The following CRTAC1 variants were observed in gnomAD, a reference collection of about 807,000 sequenced individuals.
CRTAC1 encodes the protein cartilage acidic protein 1.
CRTAC1 carries 37 observed loss-of-function variants against 67.8 expected under a neutral mutation model. The ratio of observed to expected loss-of-function variants is 0.55; its 90% CI spans 0.42 to 0.72. CRTAC1 has a LOEUF of 0.72. CRTAC1 is among the 30% of genes least tolerant of loss of function. CRTAC1 has a pLI of 0.00. For missense variants in CRTAC1, 780 were observed against 931.6 expected, an observed-to-expected ratio of 0.84 and a Z score of 2.12; for synonymous variants, 348 against 371.0, an observed-to-expected ratio of 0.94 and a Z score of 0.71.
At chr10:97,906,378 G>A (rs950868382) in intron 6 of CRTAC1, among the ~76,000 whole-genome samples, 3 of 152,246 alleles carry the variant, frequency 2.0e-5, no homozygotes, top group Non-Finnish European at 4.4e-5. Context: ...GGGAATAATC[G>A]GTGCCAGGCT....
chr10:97,959,365 C>T (rs953634107), intron 2 of CRTAC1, among the ~76,000 whole-genome samples: 1 of 152,224 alleles, frequency 6.6e-6, no homozygotes, highest in East Asian at 1.9e-4. Flanking sequence ...AACTTAAGCA[C>T]AACTTAGAAT....
intron 2 of CRTAC1, among the ~76,000 whole-genome samples, chr10:98,008,740 G>A (rs1316138397): frequency 6.6e-6 from 1 of 152,070 alleles, no homozygotes; most frequent in Non-Finnish European, 1.5e-5. Context: ...GAGGGAATAC[G>A]AGAGTATACC....
At chr10:97,994,291 A>G (rs578125096) in intron 2 of CRTAC1, among the ~76,000 whole-genome samples, 3 of 152,336 alleles carry the variant, frequency 2.0e-5, no homozygotes, top group Admixed American at 6.5e-5. Flanking sequence ...AACTGTTTTT[A>G]TATATTCTTA....
chr10:97,972,408 C>T (rs972204861), intron 2 of CRTAC1, among the ~76,000 whole-genome samples: 2 of 152,184 alleles, frequency 1.3e-5, no homozygotes, highest in African/African-American at 4.8e-5. Context: ...TACAGGAAAG[C>T]AGGGAGCCCG....
intron 2 of CRTAC1, among the ~76,000 whole-genome samples, chr10:97,981,364 T>G (rs2051888295): frequency 6.6e-6 from 1 of 152,232 alleles, no homozygotes; most frequent in Non-Finnish European, 1.5e-5. Flanking sequence ...TATTTAAATG[T>G]TTTGCAAAGT....
At chr10:97,917,223 T>A (rs1200085087) in intron 5 of CRTAC1, among the ~76,000 whole-genome samples, 1 of 152,228 alleles carries the variant, frequency 6.6e-6, no homozygotes, top group East Asian at 1.9e-4. Context: ...GAGAAAATGA[T>A]GTGGTGTTCT....
chr10:97,924,855 T>C (rs567294145), intron 3 of CRTAC1, among the ~76,000 whole-genome samples: 10 of 151,702 alleles, frequency 6.6e-5, no homozygotes, highest in South Asian at 2.1e-4. Flanking sequence ...TGTGTGAGGG[T>C]GGGAAGTATG....
chr10:97,878,227 C>A (rs915647061), intron 14 of CRTAC1, among the ~76,000 whole-genome samples: 2 of 152,188 alleles, frequency 1.3e-5, no homozygotes, highest in African/African-American at 4.8e-5. Context: ...ATCTCTGGAG[C>A]CCTTTCAGAT....
chr10:97,931,490 T>C (rs2051003284), intron 3 of CRTAC1, among the ~76,000 whole-genome samples: 2 of 152,208 alleles, frequency 1.3e-5, no homozygotes, highest in South Asian at 2.1e-4. Context: ...TGGAGTACTA[T>C]ACAACCATAA....
chr10:97,954,691 C>T (rs973074849), intron 2 of CRTAC1, among the ~76,000 whole-genome samples: 8 of 152,164 alleles, frequency 5.3e-5, no homozygotes, highest in Non-Finnish European at 1.0e-4. Flanking sequence ...CTAGGGCTGC[C>T]GTAACAAAGT....
chr10:97,981,430 C>T (rs487602), intron 2 of CRTAC1, among the ~76,000 whole-genome samples: 12,848 of 152,170 alleles, frequency 0.084, 710 homozygotes, highest in South Asian at 0.16. Flanking sequence ...GTTATGATAT[C>T]ATAAATATTT....
intron 2 of CRTAC1, among the ~76,000 whole-genome samples, chr10:97,948,670 G>A (rs1206502101): frequency 6.6e-6 from 1 of 152,200 alleles, no homozygotes; most frequent in Non-Finnish European, 1.5e-5. Flanking sequence ...TGGGCAAGAA[G>A]ATAGAATGAG....
chr10:97,920,282 G>C (rs1360156735), intron 4 of CRTAC1, among the ~76,000 whole-genome samples: 1 of 152,218 alleles, frequency 6.6e-6, no homozygotes, highest in Non-Finnish European at 1.5e-5. Flanking sequence ...GTTATACCTA[G>C]TTCCTTACTT....
At chr10:97,906,232 C>A (rs943030928) in intron 6 of CRTAC1, among the ~76,000 whole-genome samples, 2 of 152,136 alleles carry the variant, frequency 1.3e-5, no homozygotes, top group South Asian at 4.1e-4. Flanking sequence ...GGACTAGGGG[C>A]AGCCTCCAAT....
In CRTAC1 at chr10:97,965,400, G is replaced by A. The variant is rs1265601372; in HGVS notation, c.225-29034C>T. On this transcript the variant is annotated intron_variant, in intron 2 of 14. Coordinates refer to ENST00000370597, the MANE Select transcript of CRTAC1 (RefSeq NM_018058.7). The stretch of plus-strand genomic sequence containing the variant: ...AGTTAAGTAACTTGTCCAGGGGACT[G>A]TAAACATCATTGGATTGAACCCCCT... Among the ~76,000 whole-genome samples, 3 of 152,174 alleles carry A rather than the reference G, an allele frequency of 2.0e-5. 1 individual carries two copies. The highest frequency in any genetic ancestry group is 3.9e-4 in the East Asian group (2 of 5,184).
In CRTAC1 at chr10:97,865,887, C is replaced by A. The variant is rs2050017135; in HGVS notation, c.1820-173G>T. On this transcript the variant is annotated intron_variant, in intron 14 of 14. Coordinates refer to ENST00000370597, the MANE Select transcript of CRTAC1 (RefSeq NM_018058.7). Reference sequence around the variant, plus strand: ...ATCAACCTATGCCCCCTGTCCCTCACCCCCGTCTGGATCAGTCCATTTCCT... The same window carrying A: ...ATCAACCTATGCCCCCTGTCCCTCAACCCCGTCTGGATCAGTCCATTTCCT... 5.1e-6 allele frequency: 5 copies of A among 982,888 alleles called. 1 individual carries two copies. Among genetic ancestry groups the A allele is most frequent in the Admixed American group, 3.0e-5 (1 of 33,816 alleles). 60.9% of individuals were successfully genotyped at this position (982,888 alleles called of 1,614,324 possible).
At chr10:97,913,712 G>A (rs912156367) in intron 5 of CRTAC1, among the ~76,000 whole-genome samples, 4 of 152,252 alleles carry the variant, frequency 2.6e-5, no homozygotes, top group East Asian at 1.9e-4. Context: ...TGGGGGTCCC[G>A]GGCCCTGGCT....
chr10:97,949,607 C>T (rs1215205650), intron 2 of CRTAC1, among the ~76,000 whole-genome samples: 1 of 152,196 alleles, frequency 6.6e-6, no homozygotes, highest in Admixed American at 6.5e-5. Context: ...GTGGGGGTAG[C>T]ACAGAGTGGC....
At chr10:97,879,398 A>C (rs148945029) in intron 14 of CRTAC1, among the ~76,000 whole-genome samples, 1 of 152,172 alleles carries the variant, frequency 6.6e-6, no homozygotes, top group Admixed American at 6.5e-5. Flanking sequence ...AGGATACAAG[A>C]CTATCTTGAT....
Sources: allele counts gnomAD v4.1 joint callset (sites outside exome capture counted in the v4.1 genomes callset), GRCh38; gene constraint gnomAD v4.1.1; transcripts MANE v1.5; gene names NCBI Gene and HGNC (gene_info 2026-07-23, HGNC 2026-07-21).